Variants in LPCAT4 observed in about 807,000 individuals in gnomAD.
The protein encoded by LPCAT4 is lysophospholipid acyltransferase LPCAT4.
Under a neutral mutation model 66.5 loss-of-function variants are expected in LPCAT4, and 30 were observed. The observed-to-expected ratio is 0.45, with a 90% CI of 0.34 to 0.61. The LOEUF (loss-of-function observed/expected upper bound fraction) is 0.61, where lower values mean the gene tolerates loss of function less well. Among genes scored for constraint, LPCAT4 ranks in the 20% least tolerant of loss-of-function variants. LPCAT4 has a pLI of 0.01. For missense variants in LPCAT4, 557 were observed against 656.7 expected (o/e 0.85, Z 1.66); for synonymous variants, 253 against 262.1 (o/e 0.97, Z 0.34).
intron 1 of LPCAT4, chr15:34,366,775 C>T: frequency 1.7e-6 from 1 of 594,368 alleles, no homozygotes; most frequent in Non-Finnish European, 2.9e-6. Context: ...TCCACATCTT[C>T]GAGCTTGTCT....
Position 34,366,982 on chromosome 15 carries a change from A to C in LPCAT4, c.114+5T>G, listed in dbSNP as rs201588215. The C allele has an allele frequency of 2.9e-4, 444 of 1,528,586 alleles. No homozygotes were observed. The highest frequency in any genetic ancestry group is 8.6e-4 in the Middle Eastern group (5 of 5,820). 94.7% of individuals were successfully genotyped at this position (1,528,586 alleles called of 1,614,324 possible). Reference sequence around the variant, plus strand: ...TCCTTCCGACGCCCGCTCCCCACACATTACCTTAACCCTCTGGAGGCGAGA... The same window carrying C: ...TCCTTCCGACGCCCGCTCCCCACACCTTACCTTAACCCTCTGGAGGCGAGA... On this transcript the variant is annotated splice_donor_5th_base_variant and intron_variant, in intron 1 of 13. Coordinates refer to ENST00000314891, the MANE Select transcript of LPCAT4 (RefSeq NM_153613.3).
At chr15:34,362,517 C>T (rs2279686) in intron 9 of LPCAT4, 56 bp downstream of exon 9, 740,901 of 1,495,622 alleles carry the variant, frequency 0.5, 186,202 homozygotes, top group Middle Eastern at 0.53. Flanking sequence ...CTCCACGCCC[C>T]TGTGGTTCCT....
At chr15:34,365,481 T>A in intron 2 of LPCAT4, 78 bp downstream of exon 2, 1 of 1,585,442 alleles carries the variant, frequency 6.3e-7, no homozygotes, top group Non-Finnish European at 8.6e-7. Context: ...AATGCTCTCT[T>A]TTCTTCTTCT....
chr15:34,366,851 A>G (rs970487826), intron 1 of LPCAT4, 136 bp downstream of exon 1: 1 of 1,368,328 alleles, frequency 7.3e-7, no homozygotes. Flanking sequence ...CCACGTGCGC[A>G]CCCCCGGACT....
At position 34,359,117 on chromosome 15, in the gene LPCAT4, G is replaced by C. The variant is rs750923693; in HGVS notation, c.*10C>G. Reference sequence around the variant, plus strand: ...TGCCCTGAGGAGGAGGGGGTGAGAGGCTGAGGCACTCAGTCTCCCTTCTGC... The same window carrying C: ...TGCCCTGAGGAGGAGGGGGTGAGAGCCTGAGGCACTCAGTCTCCCTTCTGC... On this transcript the variant is annotated 3_prime_UTR_variant, in exon 14 of 14. Coordinates refer to ENST00000314891, the MANE Select transcript of LPCAT4 (RefSeq NM_153613.3). 6.3e-7 allele frequency: 1 copy of C among 1,596,848 alleles called. No individual in the cohort carries two copies.
At chr15:34,364,158 G>A (rs1891014308) in intron 4 of LPCAT4, 36 bp downstream of exon 4, 1 of 1,593,436 alleles carries the variant, frequency 6.3e-7, no homozygotes, top group South Asian at 1.1e-5. Context: ...AGGAGCACAT[G>A]GAAAGTGAGA....
chr15:34,363,624 G>GCTC lies in LPCAT4; in HGVS notation c.711+34_711+36dup. On this transcript the variant is annotated intron_variant, in intron 6 of 13. Coordinates refer to ENST00000314891, the MANE Select transcript of LPCAT4 (RefSeq NM_153613.3). This position sits in a 1 kb window ranked among gnomAD's most constrained non-coding sequence, Gnocchi z 4.3. ...TTATTTCCATTTGGGGTGGATTTGT[G>GCTC]CTCCCCCTTTCCACTCTTTCTTGGA... The GCTC allele has an allele frequency of 6.2e-7, 1 of 1,611,502 alleles. No individual in the cohort carries two copies. Among genetic ancestry groups the GCTC allele is most frequent in the Non-Finnish European group, 8.5e-7 (1 of 1,177,582 alleles).
chr15:34,363,299 A>C lies in LPCAT4; in HGVS notation c.746+123T>G. The stretch of plus-strand genomic sequence containing the variant: ...TCAGGGGGAAAGTGGTGTCTCCTCT[A>C]GAGTTCTCTCAGTCCTCAGATGAAG... On this transcript the variant is annotated intron_variant, in intron 7 of 13. Coordinates refer to ENST00000314891, the MANE Select transcript of LPCAT4 (RefSeq NM_153613.3). The surrounding 1 kb of genome is among the most constrained non-coding windows in gnomAD (Gnocchi z 4.3). The C allele has an allele frequency of 9.4e-7, 1 of 1,060,158 alleles. No homozygotes were observed. Among genetic ancestry groups the C allele is most frequent in the Non-Finnish European group, 1.4e-6 (1 of 711,734 alleles). 65.7% of individuals were successfully genotyped at this position (1,060,158 alleles called of 1,614,324 possible).
At chr15:34,366,531 T>C (rs973769578) in intron 1 of LPCAT4, among the ~76,000 whole-genome samples, 3 of 150,686 alleles carry the variant, frequency 2.0e-5, no homozygotes, top group East Asian at 2.0e-4. Context: ...GAAGAGGGAG[T>C]GTAGGAAGGG....
chr15:34,364,405 TTA>T, intron 3 of LPCAT4, 99 bp from the exon 4 acceptor site: 1 of 666,268 alleles, frequency 1.5e-6, no homozygotes, highest in Middle Eastern at 4.3e-4. Context: ...GAAGTTTCTG[TTA>T]TCTCTTTTTT....
chr15:34,359,548 GCC>G lies in LPCAT4; in HGVS notation c.1399+39_1399+40del, dbSNP rs754848751. On this transcript the variant is annotated intron_variant, in intron 13 of 13. Transcript: ENST00000314891. ...CAGTGCTTTCCTGGATGCTGATGGT[GCC>G]CCAAGTGCCCGTGTGGGGCTGAGAA... 3 of 1,595,854 alleles carry G rather than the reference GCC, an allele frequency of 1.9e-6. No homozygotes were observed. In the Admixed American group the frequency reaches 5.1e-5, roughly 27 times the overall value.
At chr15:34,361,300 T>C in intron 11 of LPCAT4, 100 bp downstream of exon 11, 1 of 1,552,514 alleles carries the variant, frequency 6.4e-7, no homozygotes, top group Non-Finnish European at 8.7e-7. Flanking sequence ...GAACATCCAC[T>C]GAGGACTCCA....
rs192388736 is a variant in LPCAT4, at chr15:34,361,094, C to G, written c.1143+306G>C. The G allele has an allele frequency of 3.4e-4, 279 of 812,970 alleles. No individual in the cohort carries two copies. The African/African-American group carries it at 4.5e-3, about 13-fold the overall frequency. 50.4% of individuals were successfully genotyped at this position (812,970 alleles called of 1,614,324 possible). A position where few individuals can be genotyped will look rare whatever the true frequency, so the allele number is the denominator to read the frequency against. ...TGACTCTCCTTCAAAGACCCTCACCCAGCACCCCAAAAGGTCTTATGATTC... is the reference window on the plus strand; with the variant it reads ...TGACTCTCCTTCAAAGACCCTCACCGAGCACCCCAAAAGGTCTTATGATTC... On this transcript the variant is annotated intron_variant, in intron 11 of 13. Transcript: ENST00000314891.
chr15:34,362,018 T>C (rs1890956632), intron 10 of LPCAT4, among the ~76,000 whole-genome samples, 178 bp downstream of exon 10: 1 of 152,196 alleles, frequency 6.6e-6, no homozygotes, highest in Admixed American at 6.5e-5. Flanking sequence ...TTTTTTCACC[T>C]GCATTATTAC....
Position 34,365,563 on chromosome 15 carries a change from T to C in LPCAT4, c.253A>G (p.Arg85Gly). Residue 85 changes from arginine to glycine, a missense_variant, in exon 2 of 14, where the codon AGG becomes GGG. Arg to Gly is a moderately radical substitution (Grantham distance 125, BLOSUM62 -2). Transcript: ENST00000314891. Reference protein sequence around the residue: ...EQLQEPITGWRKTVCHNGVLG... With the variant: ...EQLQEPITGWGKTVCHNGVLG... ...GGGGGCTGATCCCTCACTTACTTCC[T>C]CCATCCTGTAATTGGCTCCTGAAGC... The C allele has an allele frequency of 6.2e-7, 1 of 1,614,158 alleles. No individual in the cohort carries two copies.
At chr15:34,366,576 T>C (rs2140171696) in intron 1 of LPCAT4, among the ~76,000 whole-genome samples, 1 of 151,766 alleles carries the variant, frequency 6.6e-6, no homozygotes, top group Non-Finnish European at 1.5e-5. Context: ...AGAAACGTCT[T>C]CCCTCTAAGT....
In LPCAT4 at chr15:34,359,713, G is replaced by A; in HGVS notation, c.1275C>T (p.Asn425=). The A allele has an allele frequency of 6.2e-7, 1 of 1,613,680 alleles. No homozygotes were observed. Among genetic ancestry groups the A allele is most frequent in the Non-Finnish European group, 8.5e-7 (1 of 1,179,954 alleles). ...TGAAGCCGTCTTTGTACAGCAGGCG[G>A]TTGGGACCCTCTGCTTGCTCTTCAG... ...LFAEEQAEGP[N]RLLYKDGFST... is the part of the protein sequence containing the mutation. Residue 425 remains asparagine (N), a synonymous_variant, in exon 13 of 14, where the codon AAC becomes AAT. Transcript: ENST00000314891.
intron 13 of LPCAT4, 84 bp from the exon 14 acceptor site, chr15:34,359,386 C>A (rs4984236): frequency 5.8e-6 from 8 of 1,371,988 alleles, no homozygotes; most frequent in Non-Finnish European, 7.8e-6. Context: ...AACTAAAACA[C>A]CTTGTGCCTC....
In LPCAT4 at chr15:34,364,012, C is replaced by A. The variant is rs1891010491; in HGVS notation, c.652+1G>T. On this transcript the variant is annotated splice_donor_variant, in intron 5 of 13. Coordinates refer to ENST00000314891, the MANE Select transcript of LPCAT4 (RefSeq NM_153613.3). LOFTEE classifies it high-confidence loss of function. ...CCACCACCCACTATCATTTTATTCA[C>A]CTGGTTTGAACTTAAGCAAAGCCTT... The A allele has an allele frequency of 6.2e-7, 1 of 1,611,142 alleles. No homozygotes were observed. Among genetic ancestry groups the A allele is most frequent in the African/African-American group, 1.3e-5 (1 of 74,856 alleles).
Sources: allele counts gnomAD v4.1 joint callset (sites outside exome capture counted in the v4.1 genomes callset), GRCh38; gene constraint gnomAD v4.1.1; non-coding constraint Gnocchi (gnomAD v3.1); transcripts MANE v1.5; gene names NCBI Gene and HGNC (gene_info 2026-07-23, HGNC 2026-07-21).